TENM2: variants seen among roughly 807,000 people sequenced by gnomAD.
TENM2 encodes the protein teneurin transmembrane protein 2.
A neutral mutation model predicts 245.2 loss-of-function variants in TENM2; 52 were observed. The observed-to-expected ratio is 0.21, with a 90% CI of 0.17 to 0.27. The LOEUF (loss-of-function observed/expected upper bound fraction) is 0.27, where lower values mean the gene tolerates loss of function less well. TENM2 is among the 10% of genes least tolerant of loss of function. The pLI is 1.00. For missense variants in TENM2, 3,046 were observed against 3,666.8 expected, an observed-to-expected ratio of 0.83 and a Z score of 4.37; for synonymous variants, 1,363 against 1,438.9, an observed-to-expected ratio of 0.95 and a Z score of 1.19.
chr5:167,278,852 T>C, the TENM2 span, among the ~76,000 whole-genome samples: 1 of 152,190 alleles, frequency 6.6e-6, no homozygotes, highest in South Asian at 2.1e-4. Context: ...TTACATTTGC[T>C]CATATTTTTG....
intron 12 of TENM2, among the ~76,000 whole-genome samples, chr5:168,153,046 A>C (rs1346454468): frequency 6.6e-6 from 1 of 152,184 alleles, no homozygotes; most frequent in Non-Finnish European, 1.5e-5. Flanking sequence ...GTTTGTTTTT[A>C]ATGTATTCAT....
intron 2 of TENM2, among the ~76,000 whole-genome samples, chr5:167,782,899 C>T (rs1032871678): frequency 2.0e-5 from 3 of 152,188 alleles, no homozygotes; most frequent in Admixed American, 6.5e-5. Flanking sequence ...CAGGCCTGCT[C>T]GCCCAGCTCA....
chr5:167,411,517 T>G (rs2127405038), intron 2 of TENM2, among the ~76,000 whole-genome samples: 1 of 151,984 alleles, frequency 6.6e-6, no homozygotes, highest in African/African-American at 2.4e-5. Context: ...AAGGCTATGA[T>G]ATTTGTTACC....
At chr5:168,183,778 G>A (rs1760139706) in intron 13 of TENM2, among the ~76,000 whole-genome samples, 1 of 151,538 alleles carries the variant, frequency 6.6e-6, no homozygotes, top group Non-Finnish European at 1.5e-5. Context: ...GTGACAGCTT[G>A]GCAAGCACCT....
intron 25 of TENM2, 130 bp downstream of exon 27, chr5:168,228,260 G>GT (rs1764427622): frequency 5.5e-6 from 4 of 723,282 alleles, no homozygotes. Context: ...AGCTGAGAAA[G>GT]TTTCCCAGCT....
chr5:166,987,747 C>T, the TENM2 span, among the ~76,000 whole-genome samples: 2 of 151,996 alleles, frequency 1.3e-5, no homozygotes, highest in Non-Finnish European at 2.9e-5. Flanking sequence ...TGACTCCATG[C>T]CCCCAAGCTG....
At chr5:167,720,936 G>T (rs1218963559) in intron 2 of TENM2, among the ~76,000 whole-genome samples, 1 of 152,240 alleles carries the variant, frequency 6.6e-6, no homozygotes, top group Non-Finnish European at 1.5e-5. Flanking sequence ...TTGGGTGGGT[G>T]TTGTGCTGGA....
At chr5:167,955,879 T>A (rs1780513588) in intron 4 of TENM2, among the ~76,000 whole-genome samples, 1 of 152,188 alleles carries the variant, frequency 6.6e-6, no homozygotes, top group East Asian at 1.9e-4. Context: ...AACCTTGTAG[T>A]ATAGTTTGAA....
intron 2 of TENM2, among the ~76,000 whole-genome samples, chr5:167,463,503 TTTA>T (rs1313302579): frequency 7.0e-6 from 1 of 142,206 alleles, no homozygotes; most frequent in Admixed American, 7.0e-5. Flanking sequence ...TTTATTTTAT[TTTA>T]TTTTTTTTTG....
At chr5:167,368,092 A>C (rs1270915452) in intron 1 of TENM2, among the ~76,000 whole-genome samples, 3 of 152,184 alleles carry the variant, frequency 2.0e-5, no homozygotes, top group Non-Finnish European at 4.4e-5. Context: ...CCGCTTAAAA[A>C]AGGAATCAAT....
intron 1 of TENM2, among the ~76,000 whole-genome samples, chr5:167,318,081 G>C (rs932162422): frequency 1.3e-5 from 2 of 152,194 alleles, no homozygotes; most frequent in Admixed American, 1.3e-4. Context: ...CCACAGTTCA[G>C]TAGGTTGCAG....
At chr5:168,146,630 A>C (rs1365937675) in intron 12 of TENM2, among the ~76,000 whole-genome samples, 1 of 152,214 alleles carries the variant, frequency 6.6e-6, no homozygotes, top group Non-Finnish European at 1.5e-5. Context: ...ATTGAGTACT[A>C]ATGACAGAAA....
chr5:167,879,193 A>C (rs1011393786), intron 3 of TENM2, among the ~76,000 whole-genome samples: 4 of 152,202 alleles, frequency 2.6e-5, no homozygotes, highest in Non-Finnish European at 4.4e-5. Context: ...TTATGGCTTG[A>C]GTGTCATTAT....
chr5:167,089,815 C>A, the TENM2 span, among the ~76,000 whole-genome samples: 1 of 152,198 alleles, frequency 6.6e-6, no homozygotes, highest in Admixed American at 6.6e-5. Flanking sequence ...TGGCCTGGAC[C>A]ACTTTACTTG....
At chr5:167,720,465 A>T (rs1759553520) in intron 2 of TENM2, among the ~76,000 whole-genome samples, 1 of 152,198 alleles carries the variant, frequency 6.6e-6, no homozygotes, top group African/African-American at 2.4e-5. Flanking sequence ...CTGATGTCTC[A>T]TCAATATGCC....
At chr5:168,070,817 G>GA (rs1554190568) in intron 7 of TENM2, among the ~76,000 whole-genome samples, 1 of 104,416 alleles carries the variant, frequency 9.6e-6, no homozygotes, top group African/African-American at 3.5e-5. Flanking sequence ...GAGAGAGAGA[G>GA]AGAAAAAAAG....
intron 25 of TENM2, among the ~76,000 whole-genome samples, chr5:168,235,819 A>AAAG (rs386405605): frequency 1.3e-5 from 2 of 151,726 alleles, no homozygotes; most frequent in African/African-American, 4.8e-5. Context: ...AGAAAAAAAA[A>AAAG]AGAAATTGTG....
chr5:167,288,438 A>T (rs1363100066), intron 1 of TENM2, among the ~76,000 whole-genome samples: 1 of 152,002 alleles, frequency 6.6e-6, no homozygotes, highest in African/African-American at 2.4e-5. Context: ...GGGCGCCTGT[A>T]GTCCCAGCTA....
At chr5:167,490,197 A>T (rs1336260061) in intron 2 of TENM2, among the ~76,000 whole-genome samples, 4 of 152,192 alleles carry the variant, frequency 2.6e-5, no homozygotes, top group Non-Finnish European at 5.9e-5. Flanking sequence ...ACACTGAGCC[A>T]CACTTTATAT....
Sources: gnomAD v4.1 joint callset for allele counts (sites outside exome capture counted in the v4.1 genomes callset) on GRCh38, gnomAD v4.1.1 for gene constraint, MANE v1.5 for transcripts, NCBI Gene and HGNC (gene_info 2026-07-23, HGNC 2026-07-21) for gene names.